Variants in ANKFN1 observed in about 807,000 individuals in gnomAD.
The protein encoded by ANKFN1 is ankyrin repeat and fibronectin type III domain containing 1.
Under a neutral mutation model 108.7 loss-of-function variants are expected in ANKFN1, and 74 were observed. That is an observed-to-expected ratio of 0.68 (90% CI 0.56 to 0.83). The LOEUF (loss-of-function observed/expected upper bound fraction) is 0.83. Ranked by LOEUF, ANKFN1 falls within the 40% of genes least tolerant of loss-of-function variation. The pLI, the probability that ANKFN1 is intolerant of heterozygous loss-of-function variation, is 0.00. For missense variants in ANKFN1, 1,505 were observed against 1,382.3 expected (o/e 1.09, Z -1.41); for synonymous variants, 547 against 516.2 (o/e 1.06, Z -0.81).
intron 10 of ANKFN1, among the ~76,000 whole-genome samples, chr17:56,447,313 G>C (rs141026966): frequency 6.6e-6 from 1 of 152,288 alleles, no homozygotes; most frequent in Non-Finnish European, 1.5e-5. Flanking sequence ...TGACCACAAG[G>C]AACAAAGACT....
chr17:56,142,505 A>G (rs139962415), intron 4 of ANKFN1, among the ~76,000 whole-genome samples: 2 of 152,318 alleles, frequency 1.3e-5, no homozygotes, highest in East Asian at 3.9e-4. Context: ...AACTTTAATC[A>G]TCTGCACCAC....
chr17:56,499,229 T>A, intron 20 of ANKFN1, 131 bp downstream of exon 20: 1 of 843,880 alleles, frequency 1.2e-6, no homozygotes, highest in Non-Finnish European at 1.8e-6. Context: ...GGTAAGAGTC[T>A]AACAGCATAG....
upstream of ANKFN1, among the ~76,000 whole-genome samples, chr17:56,151,555 G>A (rs542076467): frequency 9.9e-5 from 15 of 152,106 alleles, no homozygotes; most frequent in Non-Finnish European, 2.1e-4. Flanking sequence ...GCCCTTAAAT[G>A]GGGCCTCTTT....
intron 6 of ANKFN1, among the ~76,000 whole-genome samples, chr17:56,357,443 A>G (rs73991477): frequency 0.023 from 3,441 of 152,312 alleles, 120 homozygotes; most frequent in African/African-American, 0.078. Context: ...AACACCTGGA[A>G]TCTTTCCACA....
chr17:56,197,220 A>G (rs1365899144), intron 1 of ANKFN1, among the ~76,000 whole-genome samples: 1 of 152,228 alleles, frequency 6.6e-6, no homozygotes, highest in Non-Finnish European at 1.5e-5. Flanking sequence ...TCTCTAATGT[A>G]CATTTATAAA....
At chr17:56,122,184 G>A (rs1906664487) in intron 4 of ANKFN1, among the ~76,000 whole-genome samples, 1 of 152,046 alleles carries the variant, frequency 6.6e-6, no homozygotes, top group Non-Finnish European at 1.5e-5. Flanking sequence ...GAAGATATAG[G>A]GAGATATATT....
At position 56,131,594 on chromosome 17, in the gene ANKFN1, A is replaced by G. The variant is rs1907287219; in HGVS notation, c.288+85269A>G. Among the ~76,000 whole-genome samples the G allele has an allele frequency of 2.6e-5, 4 of 152,362 alleles. No homozygotes were observed. The South Asian group carries it at 6.2e-4, about 24-fold the overall frequency. Reference sequence around the variant, plus strand: ...CCTGTTCCAAGGACATTAATCACCCAAGAATCCAGAACTATCTCATGATGT... The same window carrying G: ...CCTGTTCCAAGGACATTAATCACCCGAGAATCCAGAACTATCTCATGATGT... On this transcript the variant is annotated intron_variant, in intron 4 of 12. Coordinates refer to the ANKFN1 transcript ENST00000635860.
chr17:56,200,002 T>A (rs1185069154), intron 1 of ANKFN1, among the ~76,000 whole-genome samples: 1 of 152,208 alleles, frequency 6.6e-6, no homozygotes, highest in African/African-American at 2.4e-5. Context: ...CATTTGCTAC[T>A]TCATATCCTA....
chr17:56,405,623 A>G (rs1442313882), intron 8 of ANKFN1, among the ~76,000 whole-genome samples: 1 of 152,202 alleles, frequency 6.6e-6, no homozygotes, highest in African/African-American at 2.4e-5. Context: ...AATTGCATCA[A>G]CGTTGTTTAA....
chr17:56,498,767 A>T, intron 19 of ANKFN1, 115 bp from the exon 20 acceptor site: 2 of 771,326 alleles, frequency 2.6e-6, no homozygotes, highest in Non-Finnish European at 4.1e-6. Context: ...AAAATATTTT[A>T]CTCTTGCTCA....
At position 56,353,818 on chromosome 17, in the gene ANKFN1, AC is replaced by A. The variant is rs1396056400; in HGVS notation, c.391-17del. On this transcript the variant is annotated splice_polypyrimidine_tract_variant and intron_variant, in intron 5 of 20. Transcript: ENST00000682825. ...CTGGTTTAAGAAATTGTGCTGATCTACTTTTGCTCCTCTCTAGAATTTCCAG... is the reference window on the plus strand; with the variant it reads ...CTGGTTTAAGAAATTGTGCTGATCTATTTTGCTCCTCTCTAGAATTTCCAG... 6.2e-7 allele frequency: 1 copy of A among 1,612,432 alleles called. No individual in the cohort carries two copies.
chr17:56,406,933 A>G (rs936070594), intron 8 of ANKFN1, among the ~76,000 whole-genome samples: 1 of 152,210 alleles, frequency 6.6e-6, no homozygotes, highest in East Asian at 1.9e-4. Context: ...CCTGACAATA[A>G]ATAACCAATC....
chr17:56,426,860 A>C (rs930725515), intron 8 of ANKFN1, among the ~76,000 whole-genome samples: 1 of 152,196 alleles, frequency 6.6e-6, no homozygotes, highest in South Asian at 2.1e-4. Context: ...ATCATCACAA[A>C]AGCAGAAGCT....
At chr17:56,072,108 G>A (rs1905127484) in intron 4 of ANKFN1, among the ~76,000 whole-genome samples, 1 of 152,154 alleles carries the variant, frequency 6.6e-6, no homozygotes, top group East Asian at 1.9e-4. Context: ...TGAGGCTATT[G>A]GGATAAATCT....
In ANKFN1 at chr17:56,511,381, T is replaced by C; in HGVS notation, c.*112T>C. 1 of 1,175,608 alleles carries C rather than the reference T, an allele frequency of 8.5e-7. No individual in the cohort carries two copies. The highest frequency in any genetic ancestry group is 1.2e-6 in the Non-Finnish European group (1 of 863,422). 72.8% of individuals were successfully genotyped at this position (1,175,608 alleles called of 1,614,324 possible). On this transcript the variant is annotated 3_prime_UTR_variant, in exon 21 of 21. Transcript: ENST00000682825. ...CACTCATTTTCAAGCGTTTTGAATG[T>C]TATAAATACAAAGGTTACAAGTTCA... is the stretch of plus-strand genomic sequence containing the variant.
At chr17:56,077,186 G>T (rs1905191138) in intron 4 of ANKFN1, among the ~76,000 whole-genome samples, 1 of 152,072 alleles carries the variant, frequency 6.6e-6, no homozygotes, top group South Asian at 2.1e-4. Flanking sequence ...ATTGGGAAGG[G>T]GATACTTCTT....
chr17:56,349,538 G>A (rs12944442), intron 4 of ANKFN1, among the ~76,000 whole-genome samples: 22,624 of 151,964 alleles, frequency 0.15, 2,144 homozygotes, highest in East Asian at 0.4. Flanking sequence ...TCTGGGTAGT[G>A]CTCTAGTATA....
chr17:56,258,019 T>C (rs999993687), intron 3 of ANKFN1: 4 of 152,260 alleles, frequency 2.6e-5, no homozygotes, highest in Non-Finnish European at 4.4e-5. Context: ...CTTCAGCAGA[T>C]TGATGACGTG....
chr17:56,265,838 C>A (rs546555998), intron 3 of ANKFN1, among the ~76,000 whole-genome samples: 49 of 152,066 alleles, frequency 3.2e-4, no homozygotes, highest in Non-Finnish European at 6.0e-4. Context: ...TATTTGTATT[C>A]TTTTTATTGT....
Sources: gnomAD v4.1 joint callset for allele counts (sites outside exome capture counted in the v4.1 genomes callset) on GRCh38, gnomAD v4.1.1 for gene constraint, MANE v1.5 for transcripts, NCBI Gene and HGNC (gene_info 2026-07-23, HGNC 2026-07-21) for gene names.